Variants in DMC1 observed in about 807,000 individuals in gnomAD.
DMC1 encodes the protein DNA meiotic recombinase 1, also known as meiotic recombination protein DMC1 homolog.
Under a neutral mutation model 50.1 loss-of-function variants are expected in DMC1, and 27 were observed. The observed-to-expected ratio is 0.54, with a 90% CI of 0.40 to 0.74. DMC1 has a LOEUF of 0.74. Among genes scored for constraint, DMC1 ranks in the 30% least tolerant of loss-of-function variants. The pLI, the probability that DMC1 is intolerant of heterozygous loss-of-function variation, is 0.00. For missense variants in DMC1, 295 were observed against 420.2 expected (o/e 0.70, Z 2.60); for synonymous variants, 148 against 136.1 (o/e 1.09, Z -0.61).
intron 12 of DMC1, among the ~76,000 whole-genome samples, chr22:38,525,137 A>G (rs1323843894): frequency 6.6e-6 from 1 of 152,162 alleles, no homozygotes; most frequent in Non-Finnish European, 1.5e-5. Flanking sequence ...TTATTCCCCA[A>G]CTATACTCTA....
intron 12 of DMC1, among the ~76,000 whole-genome samples, chr22:38,532,391 C>T (rs1418815119): frequency 6.9e-6 from 1 of 145,752 alleles, no homozygotes; most frequent in Admixed American, 6.9e-5. Flanking sequence ...GGTGTGATCT[C>T]GGCTCACTGC....
intron 5 of DMC1, among the ~76,000 whole-genome samples, chr22:38,561,098 G>C (rs2090523087): frequency 6.6e-6 from 1 of 151,920 alleles, no homozygotes; most frequent in African/African-American, 2.4e-5. Flanking sequence ...CAACCTCCTG[G>C]GCTCTAGCAA....
chr22:38,566,864 G>T, intron 3 of DMC1, 128 bp from the exon 4 acceptor site: 2 of 902,816 alleles, frequency 2.2e-6, no homozygotes, highest in Non-Finnish European at 3.5e-6. Flanking sequence ...CTGCCAGGTG[G>T]AACCCACCCA....
chr22:38,525,629 C>A (rs1689450669), intron 12 of DMC1, among the ~76,000 whole-genome samples: 1 of 152,052 alleles, frequency 6.6e-6, no homozygotes, highest in South Asian at 2.1e-4. Flanking sequence ...ATAGCATTTG[C>A]AAAAGGGCAA....
downstream of DMC1, among the ~76,000 whole-genome samples, chr22:38,517,586 C>A (rs576783842): frequency 6.7e-6 from 1 of 149,920 alleles, no homozygotes; most frequent in Non-Finnish European, 1.5e-5. Flanking sequence ...AAAAACAAAA[C>A]AAAAAACAAA....
At chr22:38,559,874 C>T (rs996034403) in intron 5 of DMC1, among the ~76,000 whole-genome samples, 11 of 151,650 alleles carry the variant, frequency 7.3e-5, no homozygotes, top group East Asian at 1.9e-4. Flanking sequence ...AAAAATTAGC[C>T]GGGCGTGGTG....
At chr22:38,531,958 T>A (rs1266472124) in intron 12 of DMC1, among the ~76,000 whole-genome samples, 1 of 152,174 alleles carries the variant, frequency 6.6e-6, no homozygotes, top group Non-Finnish European at 1.5e-5. Context: ...TCTGACCTAA[T>A]TTCCGCTGAT....
At chr22:38,533,076 T>C (rs2090170567) in intron 12 of DMC1, among the ~76,000 whole-genome samples, 1 of 152,082 alleles carries the variant, frequency 6.6e-6, no homozygotes, top group African/African-American at 2.4e-5. Context: ...GAATCTCTTG[T>C]AACTAAGTAG....
intron 12 of DMC1, among the ~76,000 whole-genome samples, chr22:38,526,532 T>TTTTTTTTTTTTTTTTTTTTTGAGAC (rs2090091678): frequency 6.6e-6 from 1 of 152,008 alleles, no homozygotes; most frequent in African/African-American, 2.4e-5. Flanking sequence ...TAACCTTTCT[T>TTTTTTTTTTTTTTTTTTTTTGAGAC]GTAGGTCACT....
intron 12 of DMC1, among the ~76,000 whole-genome samples, chr22:38,527,633 C>A (rs1049792299): frequency 6.6e-6 from 1 of 151,494 alleles, no homozygotes; most frequent in Non-Finnish European, 1.5e-5. Flanking sequence ...ATTCTCCCTG[C>A]CTCAGCCTCC....
chr22:38,557,424 A>G (rs2090478726), intron 5 of DMC1, among the ~76,000 whole-genome samples: 1 of 152,180 alleles, frequency 6.6e-6, no homozygotes, highest in African/African-American at 2.4e-5. Context: ...AAATTTGGCA[A>G]TATGGGCATG....
chr22:38,545,461 C>T (rs925606057), intron 8 of DMC1, among the ~76,000 whole-genome samples: 71 of 152,014 alleles, frequency 4.7e-4, no homozygotes, highest in African/African-American at 1.7e-3. Context: ...CTCGCTCTGT[C>T]GCCCAGGCCG....
intron 12 of DMC1, among the ~76,000 whole-genome samples, chr22:38,534,120 C>T (rs2090184922): frequency 6.6e-6 from 1 of 152,142 alleles, no homozygotes; most frequent in Non-Finnish European, 1.5e-5. Flanking sequence ...CAATTACACG[C>T]AGTGCATGTT....
Position 38,521,646 on chromosome 22 carries a change from C to T in DMC1, c.915G>A (p.Lys305=), listed in dbSNP as rs770589563. ...TGGCAATTCTGAGCTCTCCTCTTCC[C>T]TTTCGCAAGCTTATTCTTGTTGTTG... The part of the protein sequence containing the change: ...HASTTRISLR[K]GRGELRIAKI... The change falls in exon 13 of 14, where the codon AAG becomes AAA. Residue 305 remains lysine (K), a synonymous_variant. Transcript: ENST00000216024. 2 of 1,613,784 alleles carry T rather than the reference C, an allele frequency of 1.2e-6. No homozygotes were observed. The highest frequency in any genetic ancestry group is 1.1e-5 in the South Asian group (1 of 91,074).
chr22:38,567,050 C>G (rs1047114873), intron 3 of DMC1, among the ~76,000 whole-genome samples: 1 of 152,218 alleles, frequency 6.6e-6, no homozygotes, highest in African/African-American at 2.4e-5. Context: ...ACATTCACCC[C>G]CTCAGTTCAG....
chr22:38,538,478 T>G, intron 10 of DMC1, 61 bp downstream of exon 10: 1 of 1,603,032 alleles, frequency 6.2e-7, no homozygotes, highest in Non-Finnish European at 8.5e-7. Flanking sequence ...TGAATAGAGA[T>G]CAATAGAAGA....
the DMC1 span, among the ~76,000 whole-genome samples, chr22:38,513,083 CAAAA>C: frequency 8.7e-6 from 1 of 114,292 alleles, no homozygotes; most frequent in African/African-American, 3.2e-5. Context: ...GAGTCTGTCT[CAAAA>C]AAAAAAAAAA....
the DMC1 span, among the ~76,000 whole-genome samples, chr22:38,509,645 G>A: frequency 6.6e-6 from 1 of 151,988 alleles, no homozygotes; most frequent in Admixed American, 6.6e-5. Context: ...TGGGCAAATT[G>A]TGAGAGGCCT....
At chr22:38,543,347 A>G (rs1307327458) in intron 8 of DMC1, among the ~76,000 whole-genome samples, 1 of 150,922 alleles carries the variant, frequency 6.6e-6, no homozygotes, top group African/African-American at 2.4e-5. Flanking sequence ...CTCCTGCCTC[A>G]GCCACCTGAG....
Sources: allele counts gnomAD v4.1 joint callset (sites outside exome capture counted in the v4.1 genomes callset), GRCh38; gene constraint gnomAD v4.1.1; transcripts MANE v1.5; gene names NCBI Gene and HGNC (gene_info 2026-07-23, HGNC 2026-07-21).